The following LHCGR variants were observed in gnomAD, a reference collection of about 807,000 sequenced individuals.
The protein encoded by LHCGR is luteinizing hormone/choriogonadotropin receptor, also known as lutropin-choriogonadotropic hormone receptor.
LHCGR carries 55 observed loss-of-function variants against 60.7 expected under a neutral mutation model. The ratio of observed to expected loss-of-function variants is 0.91; its 90% CI spans 0.73 to 1.13. The LOEUF (loss-of-function observed/expected upper bound fraction) is 1.13. Ranked by LOEUF, LHCGR falls within the 50% of genes most tolerant of loss-of-function variation. LHCGR has a pLI of 0.00. For missense variants in LHCGR, 862 were observed against 836.0 expected, an observed-to-expected ratio of 1.03 and a Z score of -0.38; for synonymous variants, 337 against 316.5, an observed-to-expected ratio of 1.06 and a Z score of -0.69.
In LHCGR at chr2:48,687,453, A is replaced by G. The variant is rs1679949245; in HGVS notation, c.*244T>C. The G allele has an allele frequency of 2.4e-6, 1 of 422,852 alleles. No homozygotes were observed. The highest frequency in any genetic ancestry group is 2.0e-5 in the African/African-American group (1 of 49,982). The allele number at this position is 422,852 out of a possible 1,614,324, so 26.2% of individuals were successfully genotyped here. A position where few individuals can be genotyped will look rare whatever the true frequency, so the allele number is the denominator to read the frequency against. ...TTCATCAAACAAAATTACTGTGTCA[A>G]AATTTCTATAAAAATTTCTAAACAC... On this transcript the variant is annotated 3_prime_UTR_variant, in exon 11 of 11. Coordinates refer to ENST00000294954, the MANE Select transcript of LHCGR (RefSeq NM_000233.4).
chr2:48,731,085 G>A, intron 2 of LHCGR, 142 bp downstream of exon 2: 1 of 616,476 alleles, frequency 1.6e-6, no homozygotes, highest in Non-Finnish European at 2.9e-6. Context: ...GTTATTATTT[G>A]TATTACAAAG....
intron 3 of LHCGR, among the ~76,000 whole-genome samples, chr2:48,727,920 T>C (rs1185156484): frequency 6.6e-6 from 1 of 152,230 alleles, no homozygotes; most frequent in African/African-American, 2.4e-5. Flanking sequence ...CCCTGTGGTA[T>C]AGTGGAAAAT....
At chr2:48,735,674 G>T (rs4952924) in intron 1 of LHCGR, among the ~76,000 whole-genome samples, 24,701 of 152,182 alleles carry the variant, frequency 0.16, 2,591 homozygotes, top group East Asian at 0.32. Flanking sequence ...AGTGGAGTTG[G>T]GTTACTTTCT....
Position 48,688,609 on chromosome 2 carries a change from A to G in LHCGR, c.1188T>C (p.Phe396=). 1.9e-6 allele frequency: 3 copies of G among 1,614,202 alleles called. No homozygotes were observed. The highest frequency in any genetic ancestry group is 1.6e-4 in the Middle Eastern group (1 of 6,062). ...CTGCAAAGGAGAGATTGCACATGAG[A>G]AAACGAGGCACTGTAAGTTTGTAAC... is the stretch of plus-strand genomic sequence containing the variant. The part of the protein sequence containing the change: ...TSRYKLTVPR[F]LMCNLSFADF... Residue 396 remains phenylalanine, a synonymous_variant, in exon 11 of 11, where the codon TTT becomes TTC. Coordinates refer to ENST00000294954, the MANE Select transcript of LHCGR (RefSeq NM_000233.4). This position sits in a 1 kb window ranked among gnomAD's most constrained non-coding sequence, Gnocchi z 5.2.
At chr2:48,698,076 C>G (rs999051214) in intron 9 of LHCGR, among the ~76,000 whole-genome samples, 3 of 152,198 alleles carry the variant, frequency 2.0e-5, no homozygotes, top group African/African-American at 7.2e-5. Context: ...CTACTGGATG[C>G]AAACCATGCA....
At chr2:48,734,673 C>T (rs939219565) in intron 1 of LHCGR, among the ~76,000 whole-genome samples, 3 of 151,960 alleles carry the variant, frequency 2.0e-5, no homozygotes, top group Non-Finnish European at 4.4e-5. Flanking sequence ...AAGGTCTAGT[C>T]GGTATCATTT....
intron 6 of LHCGR, among the ~76,000 whole-genome samples, chr2:48,717,833 C>CTTTTTTTTTTTTTTTTTTTTT: frequency 1.4e-5 from 1 of 68,976 alleles, no homozygotes; most frequent in Non-Finnish European, 2.7e-5. Context: ...TTTTCCATGT[C>CTTTTTTTTTTTTTTTTTTTTT]TTTTTTTTTT....
chr2:48,744,560 TC>T (rs1466947878), intron 1 of LHCGR, among the ~76,000 whole-genome samples: 1 of 64,070 alleles, frequency 1.6e-5, no homozygotes, highest in Non-Finnish European at 3.0e-5. Context: ...AACTATCTGA[TC>T]TTTGACAAAC....
chr2:48,699,861 G>C (rs1041703703), intron 8 of LHCGR, among the ~76,000 whole-genome samples: 6 of 152,222 alleles, frequency 3.9e-5, no homozygotes, highest in Admixed American at 6.5e-5. Flanking sequence ...TTAAGTGTTA[G>C]GAGAAAAGAG....
At chr2:48,755,060 G>A (rs1572904302) in intron 1 of LHCGR, among the ~76,000 whole-genome samples, 1 of 152,102 alleles carries the variant, frequency 6.6e-6, no homozygotes. Context: ...TTGGCCATAG[G>A]GCCTGAGCAC....
At chr2:48,738,483 C>T (rs1342222266) in intron 1 of LHCGR, among the ~76,000 whole-genome samples, 4 of 152,226 alleles carry the variant, frequency 2.6e-5, no homozygotes, top group African/African-American at 7.2e-5. Context: ...CTCTTCCTGA[C>T]AACTCCTGCT....
At chr2:48,740,670 T>C (rs1572887020) in intron 1 of LHCGR, among the ~76,000 whole-genome samples, 1 of 151,820 alleles carries the variant, frequency 6.6e-6, no homozygotes, top group South Asian at 2.1e-4. Flanking sequence ...AGAAAGGACA[T>C]CCACACCAAA....
At chr2:48,724,688 A>AAG (rs2104453870) in intron 4 of LHCGR, among the ~76,000 whole-genome samples, 1 of 152,226 alleles carries the variant, frequency 6.6e-6, no homozygotes, top group African/African-American at 2.4e-5. Flanking sequence ...TGGTTCTGGG[A>AAG]GTTTCTTATG....
chr2:48,740,820 C>G (rs1292929277), intron 1 of LHCGR, among the ~76,000 whole-genome samples: 2 of 152,178 alleles, frequency 1.3e-5, no homozygotes. Flanking sequence ...TTCTCACCAG[C>G]AACGGAACAA....
At chr2:48,691,845 CAA>C (rs60937994) in intron 10 of LHCGR, among the ~76,000 whole-genome samples, 5,164 of 88,296 alleles carry the variant, frequency 0.058, 254 homozygotes, top group African/African-American at 0.16. Context: ...GATTCTGTCT[CAA>C]AAAAAAAAAA....
chr2:48,700,716 G>A (rs999054382), intron 8 of LHCGR, among the ~76,000 whole-genome samples: 1 of 152,182 alleles, frequency 6.6e-6, no homozygotes, highest in Non-Finnish European at 1.5e-5. Context: ...GGTATGCTTT[G>A]CATATGAGAC....
rs62137534 is a variant in LHCGR at position 48,691,877 on chromosome 2, C to T, written c.947+2347G>A. Among the ~76,000 whole-genome samples the T allele has an allele frequency of 4.1e-3, 619 of 150,332 alleles. 3 individuals carry two copies. The highest frequency in any genetic ancestry group is 6.3e-3 in the Non-Finnish European group (429 of 67,758). ...AAAAAAAAAAAAAGGGTTTTAAAGG[C>T]CATCTGATTGAATCCTTTCATTTTA... On this transcript the variant is annotated intron_variant, in intron 10 of 10. Transcript: ENST00000294954.
At chr2:48,730,977 A>G (rs527368614) in intron 2 of LHCGR, among the ~76,000 whole-genome samples, 38 of 152,296 alleles carry the variant, frequency 2.5e-4, no homozygotes, top group African/African-American at 8.9e-4. Flanking sequence ...TAAAAGGTAT[A>G]TCATCACTTA....
intron 6 of LHCGR, among the ~76,000 whole-genome samples, chr2:48,718,984 T>G (rs990107422): frequency 6.6e-6 from 1 of 152,198 alleles, no homozygotes; most frequent in Admixed American, 6.5e-5. Flanking sequence ...CTTTACTATA[T>G]GTAATAATAA....
Sources: gnomAD v4.1 joint callset for allele counts (sites outside exome capture counted in the v4.1 genomes callset) on GRCh38, gnomAD v4.1.1 for gene constraint, Gnocchi (gnomAD v3.1) non-coding constraint, MANE v1.5 for transcripts, NCBI Gene and HGNC (gene_info 2026-07-23, HGNC 2026-07-21) for gene names.